Variants in NFATC3 observed in about 807,000 individuals in gnomAD.
The protein encoded by NFATC3 is nuclear factor of activated T-cells, cytoplasmic 3.
A neutral mutation model predicts 98.6 loss-of-function variants in NFATC3; 46 were observed. The ratio of observed to expected loss-of-function variants is 0.47; its 90% CI spans 0.37 to 0.60. The LOEUF is 0.60. Among genes scored for constraint, NFATC3 ranks in the 20% least tolerant of loss-of-function variants. The pLI is 0.00. For missense variants in NFATC3, 1,256 were observed against 1,295.5 expected (o/e 0.97, Z 0.47); for synonymous variants, 512 against 472.2 (o/e 1.08, Z -1.09).
At position 68,099,199 on chromosome 16, in the gene NFATC3, T is replaced by C. The variant is rs566882496; in HGVS notation, c.103+13415T>C. Among the ~76,000 whole-genome samples the C allele has an allele frequency of 2.0e-5, 3 of 152,150 alleles. No individual in the cohort carries two copies. The South Asian group carries it at 6.2e-4, about 31-fold the overall frequency. On this transcript the variant is annotated intron_variant, in intron 1 of 9. Coordinates refer to ENST00000346183, the MANE Select transcript of NFATC3 (RefSeq NM_173165.3). The stretch of plus-strand genomic sequence containing the variant: ...CTGTAGTCCCAGCACTTTGGGAGGC[T>C]GAGGCCGGTGGATCACCTGAGGTCA...
chr16:68,134,161 G>A (rs1396572002), intron 3 of NFATC3, among the ~76,000 whole-genome samples: 3 of 152,002 alleles, frequency 2.0e-5, no homozygotes, highest in African/African-American at 7.3e-5. Context: ...ATATTTATTG[G>A]ACATTTGGAT....
intron 9 of NFATC3, among the ~76,000 whole-genome samples, chr16:68,205,164 CCTT>C (rs2041092743): frequency 6.6e-6 from 1 of 151,930 alleles, no homozygotes; most frequent in Admixed American, 6.6e-5. Flanking sequence ...CAGATTAAGT[CCTT>C]GATAATCATG....
At chr16:68,133,591 C>CA (rs1336732173) in intron 3 of NFATC3, among the ~76,000 whole-genome samples, 3 of 152,142 alleles carry the variant, frequency 2.0e-5, no homozygotes, top group Non-Finnish European at 4.4e-5. Context: ...TACCCCTTCC[C>CA]AGTTTATACC....
At chr16:68,125,494 C>T (rs1295569008) in intron 2 of NFATC3, among the ~76,000 whole-genome samples, 1 of 152,122 alleles carries the variant, frequency 6.6e-6, no homozygotes, top group Non-Finnish European at 1.5e-5. Flanking sequence ...TAAATTTTTA[C>T]TTCAAATTGC....
intron 9 of NFATC3, among the ~76,000 whole-genome samples, chr16:68,199,631 C>G (rs1020133951): frequency 7.3e-5 from 11 of 151,366 alleles, no homozygotes; most frequent in Admixed American, 2.0e-4. Flanking sequence ...CTCTGTCGCC[C>G]AGGCTGGAGT....
chr16:68,223,827 G>A (rs1278408994), intron 9 of NFATC3, among the ~76,000 whole-genome samples: 2 of 150,584 alleles, frequency 1.3e-5, no homozygotes, highest in African/African-American at 4.9e-5. Flanking sequence ...CCCGGGAGAC[G>A]GAGGTTGCAG....
chr16:68,220,794 C>T (rs948503283), intron 9 of NFATC3, among the ~76,000 whole-genome samples: 3 of 151,002 alleles, frequency 2.0e-5, no homozygotes, highest in East Asian at 1.9e-4. Flanking sequence ...TGGCGGGCGC[C>T]TATAGTCCCA....
intron 1 of NFATC3, among the ~76,000 whole-genome samples, chr16:68,110,594 G>T (rs145146087): frequency 6.6e-6 from 1 of 151,738 alleles, no homozygotes; most frequent in African/African-American, 2.4e-5. Flanking sequence ...GATTATAGGC[G>T]TGAGCCACCG....
intron 9 of NFATC3, among the ~76,000 whole-genome samples, chr16:68,197,256 T>C (rs1332732841): frequency 6.6e-6 from 1 of 152,134 alleles, no homozygotes; most frequent in Non-Finnish European, 1.5e-5. Flanking sequence ...TGGTTAGCTT[T>C]ATTATATTTT....
chr16:68,122,354 C>T lies in NFATC3; in HGVS notation c.471C>T (p.Tyr157=), dbSNP rs2036617549. The change falls in exon 2 of 10, where the codon TAC becomes TAT. Residue 157 remains tyrosine, a synonymous_variant. Coordinates refer to ENST00000346183, the MANE Select transcript of NFATC3 (RefSeq NM_173165.3). ...TCTATCTTCCTCTTGAGCCATCCTA[C>T]CGGGAGTCTTCTCTTAGTCCTAGTC... ...DHLYLPLEPS[Y]RESSLSPSPA... 6.2e-7 allele frequency: 1 copy of T among 1,614,154 alleles called. No individual in the cohort carries two copies. The highest frequency in any genetic ancestry group is 8.5e-7 in the Non-Finnish European group (1 of 1,180,036).
Position 68,228,737 on chromosome 16 carries a change from A to G in NFATC3, c.*2266A>G, listed in dbSNP as rs1481846954. On this transcript the variant is annotated 3_prime_UTR_variant, in exon 10 of 10. Transcript: ENST00000346183. Reference sequence around the variant, plus strand: ...CACATCCATTGGACTATGCAAATCAATTTCTACTAGCAGCACTGAGCAACT... The same window carrying G: ...CACATCCATTGGACTATGCAAATCAGTTTCTACTAGCAGCACTGAGCAACT... The G allele has an allele frequency of 6.6e-6, 1 of 152,606 alleles. No individual in the cohort carries two copies. Among genetic ancestry groups the G allele is most frequent in the East Asian group, 1.9e-4 (1 of 5,206 alleles). The allele number at this position is 152,606 out of a possible 1,614,324, so 9.5% of individuals were successfully genotyped here.
Position 68,122,132 on chromosome 16 carries a change from CA to C in NFATC3, c.254del (p.Asn85ThrfsTer16), listed in dbSNP as rs775146527. 1 of 1,614,120 alleles carries C rather than the reference CA, an allele frequency of 6.2e-7. No homozygotes were observed. On this transcript the variant is annotated frameshift_variant, in exon 2 of 10. Coordinates refer to ENST00000346183, the MANE Select transcript of NFATC3 (RefSeq NM_173165.3). LOFTEE classifies it high-confidence loss of function. Reference protein sequence around the residue: ...LSPSFQLQSHKNYEGTCEIPE... With the variant: ...LSPSFQLQSHXNYEGTCEIPE... The stretch of plus-strand genomic sequence containing the variant: ...CACCATCGTTTCAGCTCCAAAGTCA[CA>C]AAAACTATGAAGGAACTTGTGAGAT...
At chr16:68,115,085 A>G (rs1213613329) in intron 1 of NFATC3, among the ~76,000 whole-genome samples, 2 of 149,682 alleles carry the variant, frequency 1.3e-5, no homozygotes, top group Non-Finnish European at 3.0e-5. Flanking sequence ...TTTTTTTGAG[A>G]CCAAGTCTCA....
At chr16:68,111,215 C>T (rs1236690652) in intron 1 of NFATC3, among the ~76,000 whole-genome samples, 1 of 152,168 alleles carries the variant, frequency 6.6e-6, no homozygotes, top group Non-Finnish European at 1.5e-5. Context: ...CTGATATTGA[C>T]AGTGGGGTGT....
intron 3 of NFATC3, among the ~76,000 whole-genome samples, chr16:68,137,982 T>C (rs1353272988): frequency 3.9e-5 from 6 of 152,060 alleles, no homozygotes; most frequent in Non-Finnish European, 8.8e-5. Context: ...TAAACTCTTT[T>C]AGAAAGCCTA....
intron 3 of NFATC3, among the ~76,000 whole-genome samples, chr16:68,155,426 G>C (rs968787282): frequency 6.6e-6 from 1 of 152,198 alleles, no homozygotes; most frequent in Admixed American, 6.5e-5. Flanking sequence ...TAGTAACATA[G>C]CTGAAGAGAT....
At position 68,204,673 on chromosome 16, in the gene NFATC3, TA is replaced by T. The variant is rs199755837; in HGVS notation, c.3106+12901del. On this transcript the variant is annotated intron_variant, in intron 9 of 9. Coordinates refer to ENST00000346183, the MANE Select transcript of NFATC3 (RefSeq NM_173165.3). ...GATTACTTATATAATCTCGCTTTCG[TA>T]AAGACAATAGCATTGTAACTTTCTA... Among the ~76,000 whole-genome samples the T allele has an allele frequency of 5.0e-3, 769 of 152,346 alleles. 8 individuals carry two copies. Among genetic ancestry groups the T allele is most frequent in the African/African-American group, 0.017 (702 of 41,586 alleles).
intron 3 of NFATC3, among the ~76,000 whole-genome samples, chr16:68,151,406 A>G (rs940619073): frequency 3.3e-5 from 5 of 152,184 alleles, no homozygotes; most frequent in Admixed American, 2.6e-4. Flanking sequence ...TGACAATGAC[A>G]TGATTTTTTG....
At chr16:68,089,713 ATTGT>A (rs2151438269) in intron 1 of NFATC3, among the ~76,000 whole-genome samples, 1 of 152,288 alleles carries the variant, frequency 6.6e-6, no homozygotes, top group African/African-American at 2.4e-5. Context: ...TTCCATTAAC[ATTGT>A]TTGCCATTAT....
Sources: gnomAD v4.1 joint callset for allele counts (sites outside exome capture counted in the v4.1 genomes callset) on GRCh38, gnomAD v4.1.1 for gene constraint, MANE v1.5 for transcripts, NCBI Gene and HGNC (gene_info 2026-07-23, HGNC 2026-07-21) for gene names.